Variants in PSMF1 observed in about 807,000 individuals in gnomAD.
PSMF1 encodes proteasome inhibitor PI31 subunit.
In PSMF1, 30 loss-of-function variants were observed where a neutral mutation model predicts 29.3. That is an observed-to-expected ratio of 1.02 (90% CI 0.77 to 1.39). The LOEUF (loss-of-function observed/expected upper bound fraction) is 1.39, where lower values mean the gene tolerates loss of function less well. Among genes scored for constraint, PSMF1 ranks in the 40% most tolerant of loss-of-function variants. The probability of loss-of-function intolerance (pLI) is 0.00; values close to 1 mark genes in which losing one functional copy is unlikely to be tolerated. For missense variants in PSMF1, 344 were observed against 357.5 expected (o/e 0.96, Z 0.31); for synonymous variants, 134 against 139.7 (o/e 0.96, Z 0.29).
In PSMF1 at chr20:1,138,325, A is replaced by G. The variant is rs561291162; in HGVS notation, c.551+3019A>G. Among the ~76,000 whole-genome samples the G allele has an allele frequency of 6.0e-5, 9 of 150,784 alleles. No individual in the cohort carries two copies. In the East Asian group the frequency reaches 1.8e-3, roughly 29 times the overall value. Reference sequence around the variant, plus strand: ...ATTGATTCCAGGAATGATTGATTTAACATCTGAAAATAAATCAGTGTTAAG... The same window carrying G: ...ATTGATTCCAGGAATGATTGATTTAGCATCTGAAAATAAATCAGTGTTAAG... On this transcript the variant is annotated intron_variant, in intron 4 of 6. Coordinates refer to ENST00000335877, the MANE Select transcript of PSMF1 (RefSeq NM_006814.5).
At position 1,164,961 on chromosome 20, in the gene PSMF1, G is replaced by T; in HGVS notation, c.765-68G>T. 2 of 1,369,700 alleles carry T rather than the reference G, an allele frequency of 1.5e-6. No individual in the cohort carries two copies. The highest frequency in any genetic ancestry group is 2.1e-6 in the Non-Finnish European group (2 of 958,000). 84.8% of individuals were successfully genotyped at this position (1,369,700 alleles called of 1,614,324 possible). ...GAAGGGCAGGCTCCCTCAGTGCAGG[G>T]TCATGTCTGCCCATGTTCCCCTGGT... On this transcript the variant is annotated intron_variant, in intron 6 of 6. Transcript: ENST00000335877. This position sits in a 1 kb window ranked among gnomAD's most constrained non-coding sequence, Gnocchi z 4.1.
upstream of PSMF1, among the ~76,000 whole-genome samples, chr20:1,117,129 T>A (rs541337156): frequency 1.7e-4 from 26 of 152,122 alleles, no homozygotes; most frequent in South Asian, 5.4e-3. Context: ...GATGTAGATG[T>A]GAGAGAAGAG....
At chr20:1,154,531 CTT>C in intron 4 of PSMF1, among the ~76,000 whole-genome samples, 1 of 152,310 alleles carries the variant, frequency 6.6e-6, no homozygotes, top group Non-Finnish European at 1.5e-5. Flanking sequence ...AGTTTCCACT[CTT>C]AGCTGGACAA....
At chr20:1,160,240 A>G (rs1254385136) in intron 4 of PSMF1, among the ~76,000 whole-genome samples, 1 of 151,906 alleles carries the variant, frequency 6.6e-6, no homozygotes, top group African/African-American at 2.4e-5. Context: ...TCCCTAGGCT[A>G]TTGATGACCC....
rs144221125 is a variant in PSMF1, at chr20:1,126,746, G to A, written c.283-680G>A. Reference sequence around the variant, plus strand: ...TTTTAAACCTTAGCCGGGCGTGGTCGTGGGTGCCTGTAATCCCAGCTACTT... The same window carrying A: ...TTTTAAACCTTAGCCGGGCGTGGTCATGGGTGCCTGTAATCCCAGCTACTT... On this transcript the variant is annotated intron_variant, in intron 2 of 6. Transcript: ENST00000335877. 8.9e-4 allele frequency among the ~76,000 whole-genome samples: 136 copies of A among 152,208 alleles called. 1 individual carries two copies. Among genetic ancestry groups the A allele is most frequent in the African/African-American group, 3.0e-3 (126 of 41,508 alleles).
chr20:1,162,873 G>A (rs183908383), intron 4 of PSMF1, among the ~76,000 whole-genome samples: 46 of 152,150 alleles, frequency 3.0e-4, no homozygotes, highest in Admixed American at 2.8e-3. Flanking sequence ...TTATCTGGAG[G>A]TTACCAATAT....
intron 4 of PSMF1, among the ~76,000 whole-genome samples, chr20:1,157,672 A>G (rs1209969605): frequency 6.6e-6 from 1 of 152,138 alleles, no homozygotes; most frequent in African/African-American, 2.4e-5. Flanking sequence ...GCAGCTGGTC[A>G]CGTGGTCGTA....
chr20:1,145,754 CAT>C (rs1448086821), intron 4 of PSMF1, among the ~76,000 whole-genome samples: 1 of 152,138 alleles, frequency 6.6e-6, no homozygotes, highest in Non-Finnish European at 1.5e-5. Flanking sequence ...CTTTGGGGAA[CAT>C]GTGGATATTC....
chr20:1,133,036 G>A (rs1382190849), intron 3 of PSMF1, among the ~76,000 whole-genome samples: 1 of 148,478 alleles, frequency 6.7e-6, no homozygotes, highest in Non-Finnish European at 1.5e-5. Flanking sequence ...TTGCAAATAG[G>A]GACAGTTTTA....
intron 4 of PSMF1, chr20:1,161,829 T>C: frequency 6.2e-6 from 2 of 323,018 alleles, no homozygotes; most frequent in South Asian, 4.6e-5. Flanking sequence ...AAATTTGTCC[T>C]TGAAGCTTGT....
intron 1 of PSMF1, among the ~76,000 whole-genome samples, chr20:1,120,393 A>G (rs1428719296): frequency 6.6e-6 from 1 of 152,114 alleles, no homozygotes; most frequent in Non-Finnish European, 1.5e-5. Context: ...CTTCCCAAAC[A>G]CATCTGTCCC....
At chr20:1,125,870 T>C (rs746650511) in intron 2 of PSMF1, 1 of 710,506 alleles carries the variant, frequency 1.4e-6, no homozygotes, top group South Asian at 1.5e-5. Flanking sequence ...GGGCTTTCTG[T>C]CAACAGGGGA....
intron 3 of PSMF1, among the ~76,000 whole-genome samples, chr20:1,133,682 G>A (rs1230374808): frequency 6.7e-6 from 1 of 149,556 alleles, no homozygotes; most frequent in Non-Finnish European, 1.5e-5. Context: ...AGAAGTGACT[G>A]TAAAATTGGT....
rs905722935 is a variant in PSMF1 at position 1,168,341 on chromosome 20, G to T, written c.*3261G>T. On this transcript the variant is annotated 3_prime_UTR_variant, in exon 7 of 7. Transcript: ENST00000335877. The stretch of plus-strand genomic sequence containing the variant: ...TTTGAAATTTCTTTGTTTATCCAGT[G>T]AATTACAAGTAGAATAAAGATCTGG... 2 of 152,214 alleles carry T rather than the reference G, an allele frequency of 1.3e-5. No homozygotes were observed. 9.4% of individuals were successfully genotyped at this position (152,214 alleles called of 1,614,324 possible).
At chr20:1,118,435 A>G, upstream of PSMF1, 1 of 228,152 alleles carries the variant, frequency 4.4e-6, no homozygotes, top group Non-Finnish European at 8.6e-6. Context: ...CTCTTGGAGG[A>G]CGCTGTGCCC....
At chr20:1,113,779 G>C (rs2085989951), upstream of PSMF1, among the ~76,000 whole-genome samples, 1 of 152,032 alleles carries the variant, frequency 6.6e-6, no homozygotes. Context: ...TGCAAGCTCT[G>C]CCTCTCGGGT....
intron 1 of PSMF1, among the ~76,000 whole-genome samples, chr20:1,119,657 A>C (rs1273041107): frequency 6.6e-6 from 1 of 152,134 alleles, no homozygotes; most frequent in Non-Finnish European, 1.5e-5. Context: ...CGTCGTTGTC[A>C]TCCCCACAGA....
At position 1,135,179 on chromosome 20, in the gene PSMF1, A is replaced by C. The variant is rs545197282; in HGVS notation, c.424A>C (p.Ile142Leu). The C allele has an allele frequency of 4.3e-6, 7 of 1,614,030 alleles. No homozygotes were observed. The South Asian group carries it at 7.7e-5, about 18-fold the overall frequency. Residue 142 changes from isoleucine to leucine, a missense_variant, in exon 4 of 7, where the codon ATC becomes CTC. By Grantham distance (5) the Ile-to-Leu change is conservative (BLOSUM62 2). Transcript: ENST00000335877. ...TATTGTGTCTGGAATCATCACACCTATCCATGAGCAGTGGGAAAAGGCTAA... is the reference window on the plus strand; with the variant it reads ...TATTGTGTCTGGAATCATCACACCTCTCCATGAGCAGTGGGAAAAGGCTAA... ...SRIVSGIITP[I>L]HEQWEKANVS...
At chr20:1,147,376 A>T (rs2086466844) in intron 4 of PSMF1, among the ~76,000 whole-genome samples, 1 of 152,152 alleles carries the variant, frequency 6.6e-6, no homozygotes, top group Non-Finnish European at 1.5e-5. Context: ...TCTCGCTGGG[A>T]GGGTGAGCAC....
Sources: allele counts gnomAD v4.1 joint callset (sites outside exome capture counted in the v4.1 genomes callset), GRCh38; gene constraint gnomAD v4.1.1; non-coding constraint Gnocchi (gnomAD v3.1); transcripts MANE v1.5; gene names NCBI Gene and HGNC (gene_info 2026-07-23, HGNC 2026-07-21).